RBFOX1: variants seen among roughly 807,000 people sequenced by gnomAD.
The protein encoded by RBFOX1 is RNA binding protein fox-1 homolog 1.
RBFOX1 carries 8 observed loss-of-function variants against 57.7 expected under a neutral mutation model. The ratio of observed to expected loss-of-function variants is 0.14; its 90% CI spans 0.08 to 0.25. The LOEUF (loss-of-function observed/expected upper bound fraction) is 0.25, where lower values mean the gene tolerates loss of function less well. Among genes scored for constraint, RBFOX1 ranks in the 10% least tolerant of loss-of-function variants. The pLI, the probability that RBFOX1 is intolerant of heterozygous loss-of-function variation, is 1.00. For synonymous variants in RBFOX1, 326 were observed against 222.4 expected (o/e 1.47, Z -4.15); for missense variants, 611 against 548.5 (o/e 1.11, Z -1.14).
intron 4 of RBFOX1, among the ~76,000 whole-genome samples, chr16:7,226,507 A>T (rs1017548816): frequency 1.3e-5 from 2 of 152,166 alleles, no homozygotes; most frequent in African/African-American, 4.8e-5. Flanking sequence ...CTGAGGGCAA[A>T]ACCCTGAATT....
chr16:6,647,695 A>T (rs748659741), intron 2 of RBFOX1, among the ~76,000 whole-genome samples: 5 of 152,112 alleles, frequency 3.3e-5, no homozygotes, highest in South Asian at 2.1e-4. Flanking sequence ...ACGTGTTAAA[A>T]ATGTTGATTC....
intron 2 of RBFOX1, among the ~76,000 whole-genome samples, chr16:5,542,675 C>G (rs1408135481): frequency 2.0e-5 from 3 of 152,094 alleles, no homozygotes; most frequent in Non-Finnish European, 4.4e-5. Context: ...TTTAGAGATG[C>G]ATGGAGTTTT....
intron 4 of RBFOX1, among the ~76,000 whole-genome samples, chr16:7,083,913 G>C (rs967314509): frequency 6.6e-6 from 1 of 152,076 alleles, no homozygotes; most frequent in African/African-American, 2.4e-5. Flanking sequence ...CTATCACTTA[G>C]CATCCTGCCC....
chr16:5,405,393 A>C (rs533559656), intron 1 of RBFOX1, among the ~76,000 whole-genome samples: 164 of 152,352 alleles, frequency 1.1e-3, no homozygotes, highest in Non-Finnish European at 1.6e-3. Flanking sequence ...TATAAAAAGG[A>C]GTTCCCCTGC....
intron 3 of RBFOX1, among the ~76,000 whole-genome samples, chr16:5,793,872 A>C (rs1169654692): frequency 6.6e-6 from 1 of 152,272 alleles, no homozygotes; most frequent in Non-Finnish European, 1.5e-5. Context: ...ACTGGAATCC[A>C]GCACGTTCTC....
chr16:7,356,422 G>A (rs1260712118), intron 4 of RBFOX1, among the ~76,000 whole-genome samples: 1 of 152,184 alleles, frequency 6.6e-6, no homozygotes, highest in Non-Finnish European at 1.5e-5. Context: ...AAAGCAAGAA[G>A]GAGCATCCCA....
At chr16:5,871,663 G>C (rs1447407076) in intron 4 of RBFOX1, among the ~76,000 whole-genome samples, 1 of 152,086 alleles carries the variant, frequency 6.6e-6, no homozygotes, top group African/African-American at 2.4e-5. Context: ...AAAGATCTGA[G>C]ACCCAGCCCC....
chr16:6,729,327 A>C (rs937170890), intron 3 of RBFOX1, among the ~76,000 whole-genome samples: 1 of 152,170 alleles, frequency 6.6e-6, no homozygotes, highest in Non-Finnish European at 1.5e-5. Flanking sequence ...ACTGTATAGC[A>C]TAGAGTGAGA....
chr16:5,941,485 A>C (rs563421468), intron 4 of RBFOX1, among the ~76,000 whole-genome samples: 43 of 151,774 alleles, frequency 2.8e-4, no homozygotes, highest in Admixed American at 2.1e-3. Context: ...GCAAGATCTT[A>C]TCTCAAGGAA....
intron 3 of RBFOX1, among the ~76,000 whole-genome samples, chr16:6,709,641 A>G (rs1171808822): frequency 2.6e-5 from 4 of 152,094 alleles, no homozygotes; most frequent in Non-Finnish European, 5.9e-5. Context: ...ATCTATGCTT[A>G]TTGATTTAAT....
chr16:6,602,617 G>C (rs78987792), intron 2 of RBFOX1, among the ~76,000 whole-genome samples: 1 of 152,128 alleles, frequency 6.6e-6, no homozygotes, highest in African/African-American at 2.4e-5. Context: ...CCTTCTCCTG[G>C]CTCCAGTTCC....
chr16:7,410,688 C>CCAAAG (rs200028888), intron 4 of RBFOX1, among the ~76,000 whole-genome samples: 4 of 151,814 alleles, frequency 2.6e-5, no homozygotes, highest in African/African-American at 7.2e-5. Flanking sequence ...AAAAACAAAA[C>CCAAAG]AAAACAACAA....
chr16:5,994,271 C>T (rs556918930), intron 4 of RBFOX1, among the ~76,000 whole-genome samples: 1 of 152,324 alleles, frequency 6.6e-6, no homozygotes, highest in Non-Finnish European at 1.5e-5. Context: ...AAGCAATTCT[C>T]ATGCTTCAGC....
chr16:6,796,103 G>A (rs2083964007), intron 3 of RBFOX1, among the ~76,000 whole-genome samples: 1 of 152,098 alleles, frequency 6.6e-6, no homozygotes, highest in Admixed American at 6.5e-5. Context: ...CACGTGGCTG[G>A]GGAGGCCTCA....
intron 4 of RBFOX1, among the ~76,000 whole-genome samples, chr16:7,129,680 C>A (rs1167668447): frequency 6.6e-6 from 1 of 151,824 alleles, no homozygotes; most frequent in African/African-American, 2.4e-5. Flanking sequence ...CAGAAAGGGG[C>A]AGAAATAGCA....
At chr16:7,099,797 C>T (rs915734192) in intron 4 of RBFOX1, among the ~76,000 whole-genome samples, 12 of 152,040 alleles carry the variant, frequency 7.9e-5, no homozygotes, top group Admixed American at 3.3e-4. Flanking sequence ...GTAGAGTTAC[C>T]GGGAGAAAAG....
chr16:6,680,875 A>T (rs2154121705), intron 3 of RBFOX1, among the ~76,000 whole-genome samples: 1 of 152,368 alleles, frequency 6.6e-6, no homozygotes, highest in South Asian at 2.1e-4. Flanking sequence ...TTCAGCTACC[A>T]TGGTGAGCAT....
At chr16:6,144,164 T>C (rs2096740525) in intron 1 of RBFOX1, among the ~76,000 whole-genome samples, 1 of 152,106 alleles carries the variant, frequency 6.6e-6, no homozygotes, top group African/African-American at 2.4e-5. Flanking sequence ...ATCAACAAAT[T>C]AGACTCTACA....
intron 1 of RBFOX1, among the ~76,000 whole-genome samples, chr16:6,306,394 G>A (rs1468397991): frequency 6.6e-6 from 1 of 152,298 alleles, no homozygotes; most frequent in Non-Finnish European, 1.5e-5. Flanking sequence ...CTCAGTTATC[G>A]CTCATGCATC....
Sources: gnomAD v4.1 joint callset for allele counts (sites outside exome capture counted in the v4.1 genomes callset) on GRCh38, gnomAD v4.1.1 for gene constraint, MANE v1.5 for transcripts, NCBI Gene and HGNC (gene_info 2026-07-23, HGNC 2026-07-21) for gene names.